Variants in PCDHGA2 observed in about 807,000 individuals in gnomAD.
PCDHGA2 encodes protocadherin gamma subfamily A, 2, also known as protocadherin gamma-A2.
PCDHGA2 carries 40 observed loss-of-function variants against 59.2 expected under a neutral mutation model. The ratio of observed to expected loss-of-function variants is 0.68; its 90% CI spans 0.52 to 0.88. The LOEUF is 0.88. PCDHGA2 is among the 40% of genes least tolerant of loss of function. The pLI is 0.00. For synonymous variants in PCDHGA2, 560 were observed against 526.0 expected, an observed-to-expected ratio of 1.06 and a Z score of -0.89; for missense variants, 1,226 against 1,204.0, an observed-to-expected ratio of 1.02 and a Z score of -0.27.
chr5:141,386,566 T>C (rs577943993), intron 1 of PCDHGA2, among the ~76,000 whole-genome samples: 30 of 152,200 alleles, frequency 2.0e-4, no homozygotes, highest in African/African-American at 7.2e-4. Flanking sequence ...TTGCACATGA[T>C]AGACTCTGTA....
intron 1 of PCDHGA2, chr5:141,372,263 G>C (rs373583904): frequency 3.1e-6 from 5 of 1,613,110 alleles, no homozygotes; most frequent in South Asian, 1.1e-5. Flanking sequence ...GCCTGCGCAC[G>C]GGTGAGGTGC....
chr5:141,441,891 G>A, intron 1 of PCDHGA2: 1 of 348,040 alleles, frequency 2.9e-6, no homozygotes, highest in East Asian at 9.1e-5. Flanking sequence ...TCACCAAGGT[G>A]GTGGCTGTAG....
At chr5:141,389,465 A>G (rs1485260449) in intron 1 of PCDHGA2, 2 of 1,613,184 alleles carry the variant, frequency 1.2e-6, no homozygotes, top group Admixed American at 1.7e-5. Context: ...GCGCCTTCGA[A>G]CTCACACTGC....
chr5:141,409,686 A>T, intron 1 of PCDHGA2: 3 of 1,613,350 alleles, frequency 1.9e-6, no homozygotes, highest in Non-Finnish European at 2.5e-6. Context: ...GTGGCGAGTG[A>T]CCTAGAGCCC....
chr5:141,389,896 C>G, intron 1 of PCDHGA2: 8 of 1,614,078 alleles, frequency 5.0e-6, no homozygotes, highest in Non-Finnish European at 6.8e-6. Context: ...GAGGTGCTGC[C>G]GGATATCACT....
chr5:141,356,260 A>G (rs1474852125), intron 1 of PCDHGA2: 2 of 1,566,346 alleles, frequency 1.3e-6, no homozygotes, highest in Non-Finnish European at 8.7e-7. Context: ...ATCTCTCACC[A>G]GCTCAGTCCA....
chr5:141,387,227 A>T (rs1220813655), intron 1 of PCDHGA2, among the ~76,000 whole-genome samples: 3 of 152,230 alleles, frequency 2.0e-5, no homozygotes, highest in Non-Finnish European at 4.4e-5. Context: ...AAGTTGAAAT[A>T]AATCAACTTG....
intron 1 of PCDHGA2, chr5:141,370,538 G>C: frequency 6.2e-7 from 1 of 1,613,906 alleles, no homozygotes; most frequent in Non-Finnish European, 8.5e-7. Flanking sequence ...CGCTGGTAGG[G>C]AACCTCGCCA....
Position 141,476,500 on chromosome 5 carries a change from C to A in PCDHGA2, c.2425-18307C>A. The A allele has an allele frequency of 6.2e-7, 1 of 1,613,874 alleles. No homozygotes were observed. The highest frequency in any genetic ancestry group is 8.5e-7 in the Non-Finnish European group (1 of 1,179,950). ...GCGTGGAAGTGGTGATCCAGGACAT[C>A]AACGACAACAATCCTGCTTTCCCTA... On this transcript the variant is annotated intron_variant, in intron 1 of 3. Coordinates refer to ENST00000394576, the MANE Select transcript of PCDHGA2 (RefSeq NM_018915.4). The surrounding 1 kb of genome is among the most constrained non-coding windows in gnomAD (Gnocchi z 7.6).
chr5:141,358,034 C>G (rs1045447610), intron 1 of PCDHGA2, among the ~76,000 whole-genome samples: 1 of 152,074 alleles, frequency 6.6e-6, no homozygotes, highest in African/African-American at 2.4e-5. Flanking sequence ...TACTAAAATA[C>G]AAAAAGTTAG....
intron 1 of PCDHGA2, chr5:141,410,847 G>GTTTTTT (rs773839667): frequency 6.3e-5 from 10 of 158,328 alleles, no homozygotes; most frequent in Admixed American, 1.8e-4. Flanking sequence ...TTTTGTCTTT[G>GTTTTTT]TCTTTTTTTT....
chr5:141,421,838 A>G (rs2096604619), intron 1 of PCDHGA2: 1 of 1,613,764 alleles, frequency 6.2e-7, no homozygotes, highest in East Asian at 2.2e-5. Flanking sequence ...CTGGACCGAG[A>G]GAAAGAGGCT....
chr5:141,348,093 TG>T (rs1461141489), intron 1 of PCDHGA2, among the ~76,000 whole-genome samples: 1 of 152,260 alleles, frequency 6.6e-6, no homozygotes, highest in African/African-American at 2.4e-5. Context: ...CAGAAATTGT[TG>T]GCTTATTCTG....
intron 1 of PCDHGA2, among the ~76,000 whole-genome samples, chr5:141,466,360 G>A (rs2099121274): frequency 6.6e-6 from 1 of 152,070 alleles, no homozygotes; most frequent in South Asian, 2.1e-4. Context: ...TAATCTAGAT[G>A]TAATGGTTTT....
At chr5:141,371,925 A>G in intron 1 of PCDHGA2, 3 of 1,613,324 alleles carry the variant, frequency 1.9e-6, no homozygotes, top group East Asian at 4.5e-5. Flanking sequence ...GAGCGCGCGG[A>G]GCGGGGTGGT....
In PCDHGA2 at chr5:141,415,753, T is replaced by G. The variant is rs763784703; in HGVS notation, c.2424+74358T>G. On this transcript the variant is annotated intron_variant, in intron 1 of 3. Transcript: ENST00000394576. The stretch of plus-strand genomic sequence containing the variant: ...ATGTTTATTAAGGTTTTTTTTTTTT[T>G]TTTTTTTTTTTTTTTTTTTACTTTC... 6.3e-5 allele frequency: 87 copies of G among 1,381,374 alleles called. 1 individual carries two copies. The highest frequency in any genetic ancestry group is 3.3e-4 in the Admixed American group (10 of 29,906). 85.6% of individuals were successfully genotyped at this position (1,381,374 alleles called of 1,614,324 possible).
chr5:141,394,292 G>A (rs1173905383), intron 1 of PCDHGA2: 18 of 1,613,852 alleles, frequency 1.1e-5, no homozygotes, highest in Non-Finnish European at 1.4e-5. Flanking sequence ...CTGTGACCGA[G>A]GACACGCTGC....
At chr5:141,394,297 C>A (rs375160983) in intron 1 of PCDHGA2, 1 of 1,613,990 alleles carries the variant, frequency 6.2e-7, no homozygotes, top group Non-Finnish European at 8.5e-7. Context: ...ACCGAGGACA[C>A]GCTGCAGGGG....
intron 1 of PCDHGA2, chr5:141,388,866 C>A (rs2091521937): frequency 2.5e-6 from 4 of 1,613,832 alleles, no homozygotes; most frequent in Non-Finnish European, 3.4e-6. Flanking sequence ...AATGATTGCG[C>A]AATGCACAGT....
Sources: gnomAD v4.1 joint callset for allele counts (sites outside exome capture counted in the v4.1 genomes callset) on GRCh38, gnomAD v4.1.1 for gene constraint, Gnocchi (gnomAD v3.1) non-coding constraint, MANE v1.5 for transcripts, NCBI Gene and HGNC (gene_info 2026-07-23, HGNC 2026-07-21) for gene names.